The following BMP3 variants were observed in gnomAD, a reference collection of about 807,000 sequenced individuals.
The protein encoded by BMP3 is bone morphogenetic protein 3.
A neutral mutation model predicts 38.1 loss-of-function variants in BMP3; 23 were observed. The ratio of observed to expected loss-of-function variants is 0.60; its 90% CI spans 0.43 to 0.86. The LOEUF is 0.86. Among genes scored for constraint, BMP3 ranks in the 40% least tolerant of loss-of-function variants. The pLI, the probability that BMP3 is intolerant of heterozygous loss-of-function variation, is 0.00. For missense variants in BMP3, 628 were observed against 579.6 expected (o/e 1.08, Z -0.86); for synonymous variants, 258 against 225.7 (o/e 1.14, Z -1.28).
Position 81,045,875 on chromosome 4 carries a change from T to G in BMP3, c.454T>G (p.Cys152Gly), listed in dbSNP as rs1560512426. 2 of 1,614,142 alleles carry G rather than the reference T, an allele frequency of 1.2e-6. No homozygotes were observed. The highest frequency in any genetic ancestry group is 1.7e-6 in the Non-Finnish European group (2 of 1,180,012). The change falls in exon 2 of 3, where the codon TGC (cysteine) becomes GGC (glycine). Residue 152 changes from cysteine to glycine, a missense_variant. Cys to Gly is a radical substitution (Grantham distance 159). Coordinates refer to ENST00000282701, the MANE Select transcript of BMP3 (RefSeq NM_001201.5). ...CCTGAGTTGTCCAGTGTCTGGAGGA[T>G]GCTCCCATCATGCTCAGAGGAAACA... ...ISLSCPVSGG[C>G]SHHAQRKHIQ... is the part of the protein sequence containing the mutation.
At chr4:81,035,489 G>C (rs758166447) in intron 1 of BMP3, among the ~76,000 whole-genome samples, 1 of 152,042 alleles carries the variant, frequency 6.6e-6, no homozygotes, top group Non-Finnish European at 1.5e-5. Context: ...AATGAGTTCA[G>C]ATTTTTCTAA....
At chr4:81,052,906 C>T (rs553034783) in intron 2 of BMP3, among the ~76,000 whole-genome samples, 5 of 152,128 alleles carry the variant, frequency 3.3e-5, no homozygotes, top group Admixed American at 6.6e-5. Flanking sequence ...GGGTCAATAA[C>T]GAATCATTTT....
In BMP3 at chr4:81,046,838, T is replaced by C. The variant is rs72870270; in HGVS notation, c.1227+190T>C. Among the ~76,000 whole-genome samples the C allele has an allele frequency of 9.0e-3, 1,372 of 152,294 alleles. 25 individuals carry two copies. The highest frequency in any genetic ancestry group is 0.029 in the African/African-American group (1,222 of 41,560). ...ATGGTTATTCTTGGTTTCTCTTTAA[T>C]GGTTGTTAAAGTCATATGAAGTCAG... On this transcript the variant is annotated intron_variant, in intron 2 of 2. Coordinates refer to ENST00000282701, the MANE Select transcript of BMP3 (RefSeq NM_001201.5).
At chr4:81,049,691 G>A (rs576257944) in intron 2 of BMP3, among the ~76,000 whole-genome samples, 8 of 152,252 alleles carry the variant, frequency 5.3e-5, no homozygotes, top group African/African-American at 1.9e-4. Flanking sequence ...TGGGAAACAT[G>A]CAGCCAAATG....
At chr4:81,038,475 A>G (rs1475855079) in intron 1 of BMP3, among the ~76,000 whole-genome samples, 2 of 152,194 alleles carry the variant, frequency 1.3e-5, no homozygotes, top group African/African-American at 4.8e-5. Flanking sequence ...AGGAGAAAAG[A>G]TGAGATAGTT....
chr4:81,030,749 G>A lies in BMP3; in HGVS notation c.-536G>A, dbSNP rs1739719552. ...CACACACACACGCACACACGCGCGC[G>A]CGCGCGCGCACACACACACACACGT... On this transcript the variant is annotated 5_prime_UTR_variant, in exon 1 of 3. Coordinates refer to ENST00000282701, the MANE Select transcript of BMP3 (RefSeq NM_001201.5). 1.3e-5 allele frequency among the ~76,000 whole-genome samples: 2 copies of A among 151,226 alleles called. No individual in the cohort carries two copies. The highest frequency in any genetic ancestry group is 3.0e-5 in the Non-Finnish European group (2 of 67,766).
chr4:81,041,667 T>TA (rs1740081792), intron 1 of BMP3, among the ~76,000 whole-genome samples: 1 of 152,220 alleles, frequency 6.6e-6, no homozygotes, highest in Non-Finnish European at 1.5e-5. Context: ...CTTCAATAAC[T>TA]AAGTTAATTG....
intron 2 of BMP3, among the ~76,000 whole-genome samples, chr4:81,047,760 A>G (rs13141362): frequency 0.079 from 12,013 of 152,034 alleles, 579 homozygotes; most frequent in South Asian, 0.23. Flanking sequence ...CATTGGGATG[A>G]CAAGCATAAC....
intron 1 of BMP3, among the ~76,000 whole-genome samples, chr4:81,036,178 A>G (rs915601927): frequency 2.6e-5 from 4 of 151,992 alleles, no homozygotes; most frequent in Non-Finnish European, 5.9e-5. Flanking sequence ...CACAGGTATT[A>G]TGCTTTAAAA....
intron 1 of BMP3, among the ~76,000 whole-genome samples, chr4:81,043,898 A>G (rs1299158130): frequency 6.6e-6 from 1 of 152,116 alleles, no homozygotes; most frequent in Non-Finnish European, 1.5e-5. Flanking sequence ...CTCATCCTAC[A>G]TTTTTTGAAG....
At position 81,031,045 on chromosome 4, in the gene BMP3, G is replaced by A; in HGVS notation, c.-240G>A. 1.9e-6 allele frequency: 1 copy of A among 516,440 alleles called. No homozygotes were observed. Among genetic ancestry groups the A allele is most frequent in the Non-Finnish European group, 3.4e-6 (1 of 297,628 alleles). The allele number at this position is 516,440 out of a possible 1,614,324, so 32.0% of individuals were successfully genotyped here. A position where few individuals can be genotyped will look rare whatever the true frequency, so the allele number is the denominator to read the frequency against. ...TTGGAGTGGAGACGGCGCCCGCAGC[G>A]CCCTGCGCGGGTGAGGTCCGCGCAG... On this transcript the variant is annotated 5_prime_UTR_variant, in exon 1 of 3. Transcript: ENST00000282701.
At chr4:81,044,018 A>G (rs1200524876) in intron 1 of BMP3, among the ~76,000 whole-genome samples, 1 of 152,182 alleles carries the variant, frequency 6.6e-6, no homozygotes, top group Non-Finnish European at 1.5e-5. Flanking sequence ...TGCTTTATAC[A>G]TGTCTCATTT....
At chr4:81,037,338 GA>G in intron 1 of BMP3, 1 of 216,862 alleles carries the variant, frequency 4.6e-6, no homozygotes, top group Admixed American at 5.1e-5. Flanking sequence ...GGTGTTAAGT[GA>G]AATGGTTTTC....
Position 81,054,817 on chromosome 4 carries a change from T to C in BMP3, c.*1281T>C, listed in dbSNP as rs1740504319. 6.6e-6 allele frequency: 1 copy of C among 152,186 alleles called. No homozygotes were observed. The highest frequency in any genetic ancestry group is 1.5e-5 in the Non-Finnish European group (1 of 68,024). 9.4% of individuals were successfully genotyped at this position (152,186 alleles called of 1,614,324 possible). ...TTCAATATCCTTCTTCTCACTATAT[T>C]TATTTGTGTGATGGAAATGCTTTCA... On this transcript the variant is annotated 3_prime_UTR_variant, in exon 3 of 3. Coordinates refer to ENST00000282701, the MANE Select transcript of BMP3 (RefSeq NM_001201.5).
intron 2 of BMP3, among the ~76,000 whole-genome samples, chr4:81,052,390 A>G (rs534581635): frequency 1.3e-5 from 2 of 152,326 alleles, no homozygotes; most frequent in African/African-American, 4.8e-5. Flanking sequence ...TGGACTTGCA[A>G]AAATGACTGT....
intron 1 of BMP3, among the ~76,000 whole-genome samples, chr4:81,035,490 AT>A (rs1293701368): frequency 2.0e-5 from 3 of 152,060 alleles, no homozygotes; most frequent in African/African-American, 7.2e-5. Flanking sequence ...ATGAGTTCAG[AT>A]TTTTCTAAAA....
intron 1 of BMP3, among the ~76,000 whole-genome samples, chr4:81,041,517 A>T (rs1400516465): frequency 2.0e-5 from 3 of 152,100 alleles, no homozygotes; most frequent in East Asian, 1.9e-4. Context: ...TCCCTAGCCT[A>T]GGTGGAAATA....
At chr4:81,046,804 A>G (rs567118344) in intron 2 of BMP3, among the ~76,000 whole-genome samples, 156 bp downstream of exon 2, 2 of 152,302 alleles carry the variant, frequency 1.3e-5, no homozygotes, top group Non-Finnish European at 2.9e-5. Context: ...CTAAACCATA[A>G]TAGGTAATAT....
Position 81,055,596 on chromosome 4 carries a change from AC to A in BMP3, c.*2061del, listed in dbSNP as rs1740531842. On this transcript the variant is annotated 3_prime_UTR_variant, in exon 3 of 3. Transcript: ENST00000282701. ...ATCGTACTGTTTTTCAATAAAGAAA[AC>A]TTTTTCATTGGTAGATTTGGTGAAA... The A allele has an allele frequency of 6.6e-6, 1 of 152,126 alleles. No homozygotes were observed. Among genetic ancestry groups the A allele is most frequent in the Non-Finnish European group, 1.5e-5 (1 of 68,006 alleles). The allele number at this position is 152,126 out of a possible 1,614,324, so 9.4% of individuals were successfully genotyped here. A position where few individuals can be genotyped will look rare whatever the true frequency, so the allele number is the denominator to read the frequency against.
Sources: gnomAD v4.1 joint callset for allele counts (sites outside exome capture counted in the v4.1 genomes callset) on GRCh38, gnomAD v4.1.1 for gene constraint, MANE v1.5 for transcripts, NCBI Gene and HGNC (gene_info 2026-07-23, HGNC 2026-07-21) for gene names.